TMEM192: variants seen among roughly 807,000 people sequenced by gnomAD.
The protein encoded by TMEM192 is transmembrane protein 192.
Under a neutral mutation model 26.7 loss-of-function variants are expected in TMEM192, and 20 were observed. That is an observed-to-expected ratio of 0.75 (90% CI 0.53 to 1.09). The LOEUF is 1.09. TMEM192 is among the 50% of genes least tolerant of loss of function. The probability of loss-of-function intolerance (pLI) is 0.00; values close to 1 mark genes in which losing one functional copy is unlikely to be tolerated. For synonymous variants in TMEM192, 124 were observed against 121.0 expected (o/e 1.02, Z -0.16); for missense variants, 304 against 322.6 (o/e 0.94, Z 0.44).
rs1438532549 is a variant in TMEM192 at position 165,077,002 on chromosome 4, T to C, written c.*2656A>G. 2 of 152,218 alleles carry C rather than the reference T, an allele frequency of 1.3e-5. No individual in the cohort carries two copies. The highest frequency in any genetic ancestry group is 4.8e-5 in the African/African-American group (2 of 41,448). The allele number at this position is 152,218 out of a possible 1,614,324, so 9.4% of individuals were successfully genotyped here. The stretch of plus-strand genomic sequence containing the variant: ...TTTTAGTAAAGATGGGGTTTTACTA[T>C]GTTGGCCAGGCTGGTCTTGAGCTCC... On this transcript the variant is annotated 3_prime_UTR_variant, in exon 6 of 6. Transcript: ENST00000306480.
intron 4 of TMEM192, among the ~76,000 whole-genome samples, chr4:165,087,648 T>C (rs1032059799): frequency 1.3e-5 from 2 of 151,868 alleles, no homozygotes; most frequent in African/African-American, 4.9e-5. Context: ...GATGAATATA[T>C]ACAATTTGGG....
chr4:165,088,886 A>T (rs55828315), intron 3 of TMEM192, among the ~76,000 whole-genome samples: 4,498 of 151,704 alleles, frequency 0.03, 172 homozygotes, highest in African/African-American at 0.087. Flanking sequence ...AAAAAAATAT[A>T]AAAAATTAGC....
intron 2 of TMEM192, 143 bp downstream of exon 2, chr4:165,102,807 A>G (rs1347554419): frequency 4.7e-6 from 2 of 425,938 alleles, no homozygotes; most frequent in Non-Finnish European, 7.3e-6. Context: ...TTTTTTGCCC[A>G]TGACACAGCA....
intron 4 of TMEM192, among the ~76,000 whole-genome samples, chr4:165,086,825 C>G (rs1321166521): frequency 3.3e-5 from 5 of 151,676 alleles, no homozygotes; most frequent in African/African-American, 9.7e-5. Flanking sequence ...TCAAGGAGAA[C>G]CTTTCAGGCT....
intron 3 of TMEM192, among the ~76,000 whole-genome samples, chr4:165,094,589 G>A (rs1194734343): frequency 2.0e-5 from 3 of 151,838 alleles, no homozygotes; most frequent in Admixed American, 6.6e-5. Flanking sequence ...CCCGGGAGGC[G>A]GTGGCTGCAG....
At chr4:165,107,866 T>C (rs542919348) in intron 1 of TMEM192, among the ~76,000 whole-genome samples, 3 of 152,340 alleles carry the variant, frequency 2.0e-5, no homozygotes, top group East Asian at 3.9e-4. Flanking sequence ...TTTTCATCTG[T>C]ACAAGTTTGA....
At chr4:165,104,778 G>C (rs939138942) in intron 1 of TMEM192, among the ~76,000 whole-genome samples, 1 of 152,164 alleles carries the variant, frequency 6.6e-6, no homozygotes, top group African/African-American at 2.4e-5. Flanking sequence ...TGATCCGCCT[G>C]CCTCAGCCTC....
chr4:165,087,621 G>A (rs1032144622), intron 4 of TMEM192, among the ~76,000 whole-genome samples: 1 of 152,180 alleles, frequency 6.6e-6, no homozygotes, highest in African/African-American at 2.4e-5. Context: ...ACATGTGGAT[G>A]AAAACTTCAT....
rs1389082686 is a variant in TMEM192 at position 165,097,704 on chromosome 4, C to A, written c.439+2924G>T. On this transcript the variant is annotated intron_variant, in intron 3 of 5. Transcript: ENST00000306480. Reference sequence around the variant, plus strand: ...TCATAGCTCACTGCAGCCTCAAACTCCTGGGCTCAAGTGGATCCTCCCACC... The same window carrying A: ...TCATAGCTCACTGCAGCCTCAAACTACTGGGCTCAAGTGGATCCTCCCACC... Among the ~76,000 whole-genome samples the A allele has an allele frequency of 1.3e-5, 2 of 150,660 alleles. 1 individual carries two copies. The highest frequency in any genetic ancestry group is 4.9e-5 in the African/African-American group (2 of 41,134).
At position 165,097,375 on chromosome 4, in the gene TMEM192, T is replaced by C. The variant is rs1317992068; in HGVS notation, c.439+3253A>G. Among the ~76,000 whole-genome samples the C allele has an allele frequency of 3.3e-5, 5 of 150,950 alleles. No individual in the cohort carries two copies. In the Admixed American group the frequency reaches 3.3e-4, roughly 10 times the overall value. On this transcript the variant is annotated intron_variant, in intron 3 of 5. Transcript: ENST00000306480. The stretch of plus-strand genomic sequence containing the variant: ...CAGGCGTGGTGGCGGGCGAATGCAG[T>C]CCCAGCTACTCGGGAGGCTGAGGCA...
chr4:165,103,809 A>G (rs1038882379), intron 1 of TMEM192, among the ~76,000 whole-genome samples: 10 of 152,164 alleles, frequency 6.6e-5, no homozygotes, highest in African/African-American at 2.4e-4. Context: ...GGCATGAGCC[A>G]CCGTGCCCGG....
intron 4 of TMEM192, among the ~76,000 whole-genome samples, chr4:165,087,704 C>T (rs1734655054): frequency 6.6e-6 from 1 of 152,028 alleles, no homozygotes; most frequent in Non-Finnish European, 1.5e-5. Context: ...CTTTGGGAGG[C>T]CAAGGCGGGC....
Position 165,073,382 on chromosome 4 carries a change from C to A in TMEM192, c.*6276G>T, listed in dbSNP as rs1734309904. ...GTGGTATGCTTGGTAAAAGTCATCG[C>A]CTTTCTCCATTCTCGATTAACCAGG... On this transcript the variant is annotated 3_prime_UTR_variant, in exon 6 of 6. Coordinates refer to ENST00000306480, the MANE Select transcript of TMEM192 (RefSeq NM_001100389.2). The A allele has an allele frequency of 6.6e-6, 1 of 152,232 alleles. No homozygotes were observed. The highest frequency in any genetic ancestry group is 1.5e-5 in the Non-Finnish European group (1 of 68,066). The allele number at this position is 152,232 out of a possible 1,614,324, so 9.4% of individuals were successfully genotyped here.
In TMEM192 at chr4:165,079,363, A is replaced by T; in HGVS notation, c.*295T>A. The T allele has an allele frequency of 3.6e-6, 1 of 280,970 alleles. No homozygotes were observed. Among genetic ancestry groups the T allele is most frequent in the Admixed American group, 5.2e-5 (1 of 19,378 alleles). 17.4% of individuals were successfully genotyped at this position (280,970 alleles called of 1,614,324 possible). On this transcript the variant is annotated 3_prime_UTR_variant, in exon 6 of 6. Transcript: ENST00000306480. ...TCTAATGTCAGGTGGAAAAGTGTTG[A>T]CTATGGAGTTGTTTAGCCTCTGATC...
Position 165,076,332 on chromosome 4 carries a change from T to C in TMEM192, c.*3326A>G, listed in dbSNP as rs1734381441. 6.6e-6 allele frequency: 1 copy of C among 152,186 alleles called. No homozygotes were observed. The allele number at this position is 152,186 out of a possible 1,614,324, so 9.4% of individuals were successfully genotyped here. A position where few individuals can be genotyped will look rare whatever the true frequency, so the allele number is the denominator to read the frequency against. On this transcript the variant is annotated 3_prime_UTR_variant, in exon 6 of 6. Transcript: ENST00000306480. ...ATATTGAACTACCATCTGATCCTGC[T>C]GAAACTAAAACTGACATTGTCACTT...
Position 165,075,051 on chromosome 4 carries a change from G to C in TMEM192, c.*4607C>G, listed in dbSNP as rs144992994. ...GAAACAATGACACACTCATCAGATG[G>C]GTCAAGACTTAAATAAGGTAACACC... On this transcript the variant is annotated 3_prime_UTR_variant, in exon 6 of 6. Coordinates refer to ENST00000306480, the MANE Select transcript of TMEM192 (RefSeq NM_001100389.2). 1.1e-4 allele frequency: 17 copies of C among 152,122 alleles called. No individual in the cohort carries two copies. Among genetic ancestry groups the C allele is most frequent in the African/African-American group, 4.1e-4 (17 of 41,508 alleles). The allele number at this position is 152,122 out of a possible 1,614,324, so 9.4% of individuals were successfully genotyped here.
intron 1 of TMEM192, among the ~76,000 whole-genome samples, chr4:165,108,208 T>C (rs1475061802): frequency 7.3e-6 from 1 of 137,722 alleles, no homozygotes; most frequent in Non-Finnish European, 1.5e-5. Context: ...CTGCAAGCTC[T>C]GCCTCCTGCG....
At position 165,075,658 on chromosome 4, in the gene TMEM192, C is replaced by A. The variant is rs1191497065; in HGVS notation, c.*4000G>T. The A allele has an allele frequency of 2.0e-5, 3 of 151,200 alleles. No individual in the cohort carries two copies. The highest frequency in any genetic ancestry group is 4.4e-5 in the Non-Finnish European group (3 of 67,880). 9.4% of individuals were successfully genotyped at this position (151,200 alleles called of 1,614,324 possible). ...GATCTTGCCTCACTGCAACCTCCAC[C>A]TGCTGGGTTCAAGCAATTCTCCTGC... is the stretch of plus-strand genomic sequence containing the variant. On this transcript the variant is annotated 3_prime_UTR_variant, in exon 6 of 6. Transcript: ENST00000306480.
rs1254378201 is a variant in TMEM192, at chr4:165,078,542, A to G, written c.*1116T>C. ...AGGTATCTTTTTTTTACAGTAATTT[A>G]AAATTATAGAAGATGCCTTTCCTAT... On this transcript the variant is annotated 3_prime_UTR_variant, in exon 6 of 6. Coordinates refer to ENST00000306480, the MANE Select transcript of TMEM192 (RefSeq NM_001100389.2). 6.6e-6 allele frequency: 1 copy of G among 152,216 alleles called. No homozygotes were observed. The highest frequency in any genetic ancestry group is 1.5e-5 in the Non-Finnish European group (1 of 68,036). The allele number at this position is 152,216 out of a possible 1,614,324, so 9.4% of individuals were successfully genotyped here.
Sources: allele counts gnomAD v4.1 joint callset (sites outside exome capture counted in the v4.1 genomes callset), GRCh38; gene constraint gnomAD v4.1.1; transcripts MANE v1.5; gene names NCBI Gene and HGNC (gene_info 2026-07-23, HGNC 2026-07-21).